The following TLL1 variants were observed in gnomAD, a reference collection of about 807,000 sequenced individuals.
TLL1 encodes the protein tolloid like 1.
TLL1 carries 49 observed loss-of-function variants against 128.2 expected under a neutral mutation model. That is an observed-to-expected ratio of 0.38 (90% CI 0.30 to 0.48). The LOEUF (loss-of-function observed/expected upper bound fraction) is 0.48. Ranked by LOEUF, TLL1 falls within the 20% of genes least tolerant of loss-of-function variation. The probability of loss-of-function intolerance (pLI) is 0.96; values close to 1 mark genes in which losing one functional copy is unlikely to be tolerated. For missense variants in TLL1, 1,123 were observed against 1,242.0 expected (o/e 0.90, Z 1.44); for synonymous variants, 454 against 418.8 (o/e 1.08, Z -1.03).
At chr4:166,078,158 T>G in intron 18 of TLL1, 128 bp downstream of exon 18, 1 of 1,410,136 alleles carries the variant, frequency 7.1e-7, no homozygotes, top group South Asian at 1.2e-5. Flanking sequence ...AGATTTTTTG[T>G]CTCATGCTTT....
At chr4:165,937,715 A>G (rs932355513) in intron 1 of TLL1, among the ~76,000 whole-genome samples, 1 of 152,026 alleles carries the variant, frequency 6.6e-6, no homozygotes, top group Non-Finnish European at 1.5e-5. Context: ...AATAGCAACC[A>G]CATTTTGGAT....
At chr4:165,877,188 A>T (rs1730757321) in intron 1 of TLL1, among the ~76,000 whole-genome samples, 1 of 152,238 alleles carries the variant, frequency 6.6e-6, no homozygotes, top group African/African-American at 2.4e-5. Flanking sequence ...CAAGTTCATG[A>T]AACTATAGGG....
intron 1 of TLL1, among the ~76,000 whole-genome samples, chr4:165,895,940 T>A (rs974849256): frequency 3.3e-5 from 5 of 152,268 alleles, no homozygotes; most frequent in Admixed American, 3.3e-4. Flanking sequence ...AGTCTTTTTT[T>A]ATTATTATTA....
chr4:165,912,716 C>A (rs931469324), intron 1 of TLL1, among the ~76,000 whole-genome samples: 1 of 152,140 alleles, frequency 6.6e-6, no homozygotes, highest in African/African-American at 2.4e-5. Flanking sequence ...ACTCCGGTAT[C>A]GTTCTGTCAG....
intron 7 of TLL1, among the ~76,000 whole-genome samples, chr4:166,010,384 ATTAGTGAACATCCTT>A (rs1737632735): frequency 6.6e-6 from 1 of 150,958 alleles, no homozygotes; most frequent in South Asian, 2.1e-4. Flanking sequence ...TTCTCTGATG[ATTAGTGAACATCCTT>A]TTATATGCTC....
intron 14 of TLL1, among the ~76,000 whole-genome samples, chr4:166,057,605 T>C (rs774591707): frequency 2.0e-5 from 3 of 152,132 alleles, no homozygotes; most frequent in Non-Finnish European, 2.9e-5. Context: ...ATTATGCTAA[T>C]GAAAACATAC....
At chr4:165,995,009 G>A in intron 4 of TLL1, 52 bp from the exon 5 acceptor site, 1 of 1,441,000 alleles carries the variant, frequency 6.9e-7, no homozygotes, top group East Asian at 2.3e-5. Context: ...GCAGCAAGAA[G>A]CATTCTTCCT....
At chr4:165,937,496 C>A (rs1283329610) in intron 1 of TLL1, among the ~76,000 whole-genome samples, 1 of 152,152 alleles carries the variant, frequency 6.6e-6, no homozygotes, top group African/African-American at 2.4e-5. Flanking sequence ...CTATTACCTA[C>A]TACTTTTTAA....
Position 165,920,116 on chromosome 4 carries a change from C to T in TLL1, c.169+46043C>T, listed in dbSNP as rs548034348. On this transcript the variant is annotated intron_variant, in intron 1 of 20. Transcript: ENST00000061240. ...TTCTCAAGTAATAAATGCCATGCGT[C>T]TCCTGTGAAAATCATCATTTCCCTG... Among the ~76,000 whole-genome samples the T allele has an allele frequency of 6.6e-5, 10 of 152,310 alleles. No individual in the cohort carries two copies. The East Asian group carries it at 1.9e-3, about 29-fold the overall frequency.
intron 1 of TLL1, among the ~76,000 whole-genome samples, chr4:165,926,986 G>T (rs1397447908): frequency 6.6e-6 from 1 of 152,100 alleles, no homozygotes; most frequent in Non-Finnish European, 1.5e-5. Context: ...ACTAGCTCTG[G>T]CCATTGACTA....
intron 1 of TLL1, among the ~76,000 whole-genome samples, chr4:165,923,618 G>T (rs1733145773): frequency 6.6e-6 from 1 of 151,438 alleles, no homozygotes; most frequent in South Asian, 2.1e-4. Flanking sequence ...TGTATTTTTA[G>T]TAGAGACGGG....
chr4:166,061,806 G>A (rs990139714), intron 15 of TLL1, among the ~76,000 whole-genome samples: 5 of 152,080 alleles, frequency 3.3e-5, no homozygotes, highest in African/African-American at 1.2e-4. Flanking sequence ...CCTATGTTCT[G>A]AATGGTATTG....
intron 1 of TLL1, among the ~76,000 whole-genome samples, chr4:165,925,579 G>A (rs1176584056): frequency 6.6e-6 from 1 of 152,220 alleles, no homozygotes; most frequent in Non-Finnish European, 1.5e-5. Flanking sequence ...AGGTGAAGAT[G>A]CTTTGAGCAT....
intron 15 of TLL1, among the ~76,000 whole-genome samples, chr4:166,062,528 T>C (rs1241769520): frequency 2.0e-5 from 3 of 152,204 alleles, no homozygotes; most frequent in Non-Finnish European, 4.4e-5. Context: ...TTGTCTGTTA[T>C]TGGTGTATAG....
chr4:165,928,390 G>A (rs971293904), intron 1 of TLL1, among the ~76,000 whole-genome samples: 4 of 152,130 alleles, frequency 2.6e-5, no homozygotes, highest in South Asian at 2.1e-4. Context: ...AGTAGAACAG[G>A]GTAGGAAAGC....
At chr4:166,070,690 T>C (rs1321746935) in intron 16 of TLL1, among the ~76,000 whole-genome samples, 2 of 151,940 alleles carry the variant, frequency 1.3e-5, no homozygotes, top group African/African-American at 2.4e-5. Context: ...TAAAATAATG[T>C]GTGCATTGCA....
intron 1 of TLL1, among the ~76,000 whole-genome samples, chr4:165,952,685 C>A (rs2110942778): frequency 6.6e-6 from 1 of 152,084 alleles, no homozygotes; most frequent in African/African-American, 2.4e-5. Context: ...TTTCATGATT[C>A]TAATGTATTA....
At position 165,938,406 on chromosome 4, in the gene TLL1, G is replaced by A. The variant is rs73860895; in HGVS notation, c.170-50975G>A. Among the ~76,000 whole-genome samples, 448 of 152,174 alleles carry A rather than the reference G, an allele frequency of 2.9e-3. 4 individuals are homozygous for A. The highest frequency in any genetic ancestry group is 0.01 in the African/African-American group (418 of 41,550). On this transcript the variant is annotated intron_variant, in intron 1 of 20. Transcript: ENST00000061240. Reference sequence around the variant, plus strand: ...TCATTCTTTCAATGGATAGGCACTAGGTGAACCATTTTTATCTAGACAGTC... The same window carrying A: ...TCATTCTTTCAATGGATAGGCACTAAGTGAACCATTTTTATCTAGACAGTC...
intron 1 of TLL1, among the ~76,000 whole-genome samples, chr4:165,972,269 G>A (rs1004448752): frequency 6.6e-6 from 1 of 152,128 alleles, no homozygotes; most frequent in African/African-American, 2.4e-5. Context: ...GATTTTGCAC[G>A]TTTCAGTGTC....
Sources: gnomAD v4.1 joint callset for allele counts (sites outside exome capture counted in the v4.1 genomes callset) on GRCh38, gnomAD v4.1.1 for gene constraint, MANE v1.5 for transcripts, NCBI Gene and HGNC (gene_info 2026-07-23, HGNC 2026-07-21) for gene names.